Variants in BTAF1 observed in about 807,000 individuals in gnomAD.
BTAF1 encodes B-TFIID TATA-box binding protein associated factor 1.
Under a neutral mutation model 227.1 loss-of-function variants are expected in BTAF1, and 38 were observed. That is an observed-to-expected ratio of 0.17 (90% confidence interval 0.13 to 0.22). The LOEUF (loss-of-function observed/expected upper bound fraction) is 0.22. BTAF1 is among the 10% of genes least tolerant of loss of function. BTAF1 has a pLI of 1.00. For synonymous variants in BTAF1, 742 were observed against 751.9 expected, an observed-to-expected ratio of 0.99 and a Z score of 0.21; for missense variants, 1,598 against 2,204.0, an observed-to-expected ratio of 0.73 and a Z score of 5.51.
At chr10:91,979,184 G>T (rs988659472) in intron 14 of BTAF1, among the ~76,000 whole-genome samples, 1 of 152,138 alleles carries the variant, frequency 6.6e-6, no homozygotes. Flanking sequence ...GTATTCCATG[G>T]TGTATGTGTA....
intron 19 of BTAF1, among the ~76,000 whole-genome samples, chr10:91,987,869 C>G (rs1848510361): frequency 6.6e-6 from 1 of 152,170 alleles, no homozygotes; most frequent in Admixed American, 6.5e-5. Context: ...TGGGCCCGAG[C>G]TTCTATTTCC....
chr10:91,995,346 C>G (rs1324353445), intron 23 of BTAF1, among the ~76,000 whole-genome samples: 2 of 151,778 alleles, frequency 1.3e-5, no homozygotes, highest in African/African-American at 2.4e-5. Flanking sequence ...AAAGTATGTC[C>G]TTTTACTTGT....
intron 20 of BTAF1, among the ~76,000 whole-genome samples, chr10:91,990,376 G>A (rs1176061296): frequency 6.6e-6 from 1 of 151,980 alleles, no homozygotes; most frequent in African/African-American, 2.4e-5. Flanking sequence ...GCTATATAAG[G>A]CAGCATCATT....
intron 4 of BTAF1, among the ~76,000 whole-genome samples, chr10:91,948,782 A>T (rs1276403897): frequency 2.0e-5 from 3 of 150,160 alleles, no homozygotes; most frequent in Non-Finnish European, 3.0e-5. Flanking sequence ...ATATATTTTT[A>T]AAATTTTTTG....
At chr10:91,949,915 T>C (rs928914454) in intron 4 of BTAF1, among the ~76,000 whole-genome samples, 14 of 152,038 alleles carry the variant, frequency 9.2e-5, no homozygotes, top group Admixed American at 2.0e-4. Flanking sequence ...GCAGGAGGAC[T>C]GCTTGAGGCC....
At position 92,027,017 on chromosome 10, in the gene BTAF1, A is replaced by G. The variant is rs575495629; in HGVS notation, c.5236-113A>G. ...AGCTCATGTGGCCAGACAAAATAAA[A>G]ATCCAACCCTAATTAGGTAGTATAA... On this transcript the variant is annotated intron_variant, in intron 36 of 37. Coordinates refer to ENST00000265990, the MANE Select transcript of BTAF1 (RefSeq NM_003972.3). 60 of 1,170,248 alleles carry G rather than the reference A, an allele frequency of 5.1e-5. No homozygotes were observed. The African/African-American group carries it at 8.8e-4, about 17-fold the overall frequency. The allele number at this position is 1,170,248 out of a possible 1,614,324, so 72.5% of individuals were successfully genotyped here.
Position 91,927,273 on chromosome 10 carries a change from G to C in BTAF1, c.14+3183G>C, listed in dbSNP as rs548218403. Among the ~76,000 whole-genome samples, 3 of 151,988 alleles carry C rather than the reference G, an allele frequency of 2.0e-5. No individual in the cohort carries two copies. In the East Asian group the frequency reaches 5.8e-4, roughly 29 times the overall value. On this transcript the variant is annotated intron_variant, in intron 1 of 37. Coordinates refer to ENST00000265990, the MANE Select transcript of BTAF1 (RefSeq NM_003972.3). ...CCTGCCTCAGCCTCCCGAGTAGCTGGGATTACAGGCATGCACCACCACACC... is the reference window on the plus strand; with the variant it reads ...CCTGCCTCAGCCTCCCGAGTAGCTGCGATTACAGGCATGCACCACCACACC...
chr10:91,997,120 G>A (rs1446236181), intron 24 of BTAF1: 3 of 1,285,288 alleles, frequency 2.3e-6, no homozygotes, highest in Admixed American at 2.3e-5. Flanking sequence ...GATCAAATCA[G>A]TAGAAACTCT....
chr10:91,932,429 T>C (rs943128355), intron 1 of BTAF1, among the ~76,000 whole-genome samples: 2 of 152,214 alleles, frequency 1.3e-5, no homozygotes, highest in Admixed American at 1.3e-4. Context: ...ATATAAAATA[T>C]TTTTTCTTTC....
chr10:91,959,180 C>G (rs1325293046), intron 9 of BTAF1, 26 bp downstream of exon 9: 1 of 1,613,322 alleles, frequency 6.2e-7, no homozygotes, highest in Admixed American at 1.7e-5. Context: ...CAACAATTAT[C>G]ACCAAGTATT....
intron 8 of BTAF1, among the ~76,000 whole-genome samples, chr10:91,958,177 T>G (rs886420878): frequency 5.9e-5 from 9 of 152,026 alleles, no homozygotes; most frequent in African/African-American, 2.2e-4. Context: ...GCCTCCTGAG[T>G]AGCTGGGACT....
chr10:91,969,611 G>T (rs1033990798), intron 14 of BTAF1, among the ~76,000 whole-genome samples: 1 of 152,160 alleles, frequency 6.6e-6, no homozygotes, highest in African/African-American at 2.4e-5. Context: ...TGTTAGTCTT[G>T]TAATACCTCC....
intron 1 of BTAF1, among the ~76,000 whole-genome samples, chr10:91,932,872 A>G (rs1844363364): frequency 6.6e-6 from 1 of 152,250 alleles, no homozygotes; most frequent in African/African-American, 2.4e-5. Flanking sequence ...AAGCTCAGGC[A>G]CACCCGAAGA....
Position 92,031,268 on chromosome 10 carries a change from ATATG to A in BTAF1, c.*2336_*2339del, listed in dbSNP as rs1851879543. ...TTTTGTTTCATATATTCACTCATAT[ATATG>A]CTTATTGTATATGCTTATTTATTCT... On this transcript the variant is annotated 3_prime_UTR_variant, in exon 38 of 38. Transcript: ENST00000265990. Among the ~76,000 whole-genome samples the A allele has an allele frequency of 6.6e-6, 1 of 152,188 alleles. No individual in the cohort carries two copies. Among genetic ancestry groups the A allele is most frequent in the Non-Finnish European group, 1.5e-5 (1 of 68,028 alleles).
Position 91,994,517 on chromosome 10 carries a change from G to T in BTAF1, c.3200-18G>T, listed in dbSNP as rs2134040006. ...GAAAAATTATTTGCCAGATAATACA[G>T]ACAATATATTTTAACAGATGGAAAA... On this transcript the variant is annotated intron_variant, in intron 22 of 37. Transcript: ENST00000265990. 3 of 1,566,856 alleles carry T rather than the reference G, an allele frequency of 1.9e-6. No homozygotes were observed. In the East Asian group the frequency reaches 6.7e-5, roughly 35 times the overall value.
At chr10:91,965,431 A>G (rs182293037) in intron 13 of BTAF1, among the ~76,000 whole-genome samples, 1 of 152,314 alleles carries the variant, frequency 6.6e-6, no homozygotes, top group Non-Finnish European at 1.5e-5. Flanking sequence ...ACATAAGAGA[A>G]TGAACGTGCC....
Position 91,944,981 on chromosome 10 carries a change from T to C in BTAF1, c.400+2413T>C, listed in dbSNP as rs138198499. On this transcript the variant is annotated intron_variant, in intron 4 of 37. Transcript: ENST00000265990. ...TTTAGTAACATGCTATACAGGTTTG[T>C]AGCCTAGGAGCAACAGGCTATACCA... Among the ~76,000 whole-genome samples the C allele has an allele frequency of 3.8e-3, 586 of 152,366 alleles. 5 individuals are homozygous for C. The highest frequency in any genetic ancestry group is 0.013 in the African/African-American group (540 of 41,588).
Position 91,944,350 on chromosome 10 carries a change from A to G in BTAF1, c.400+1782A>G, listed in dbSNP as rs112708852. On this transcript the variant is annotated intron_variant, in intron 4 of 37. Transcript: ENST00000265990. Reference sequence around the variant, plus strand: ...TCCCCTCATATATATTAATGACACCATATATGATTAGTATACATACTGGTC... The same window carrying G: ...TCCCCTCATATATATTAATGACACCGTATATGATTAGTATACATACTGGTC... Among the ~76,000 whole-genome samples the G allele has an allele frequency of 3.3e-3, 503 of 152,264 alleles. 11 individuals are homozygous for G. The highest frequency in any genetic ancestry group is 0.012 in the African/African-American group (492 of 41,528).
intron 3 of BTAF1, among the ~76,000 whole-genome samples, chr10:91,940,710 A>C (rs571087947): frequency 6.6e-6 from 1 of 151,708 alleles, no homozygotes; most frequent in African/African-American, 2.4e-5. Flanking sequence ...TTCGAGACAG[A>C]GTCTCACTGT....
Sources: gnomAD v4.1 joint callset for allele counts (sites outside exome capture counted in the v4.1 genomes callset) on GRCh38, gnomAD v4.1.1 for gene constraint, MANE v1.5 for transcripts, NCBI Gene and HGNC (gene_info 2026-07-23, HGNC 2026-07-21) for gene names.